The following NTNG1 variants were observed in gnomAD, a reference collection of about 807,000 sequenced individuals.
NTNG1 encodes the protein netrin G1.
NTNG1 carries 16 observed loss-of-function variants against 54.0 expected under a neutral mutation model. The observed-to-expected ratio is 0.30, with a 90% confidence interval of 0.20 to 0.45. The LOEUF is 0.45. Among genes scored for constraint, NTNG1 ranks in the 20% least tolerant of loss-of-function variants. NTNG1 has a pLI of 1.00. For synonymous variants in NTNG1, 255 were observed against 263.1 expected, an observed-to-expected ratio of 0.97 and a Z score of 0.30; for missense variants, 530 against 678.7, an observed-to-expected ratio of 0.78 and a Z score of 2.43.
intron 3 of NTNG1, among the ~76,000 whole-genome samples, chr1:107,343,485 C>A (rs1669031270): frequency 6.6e-6 from 1 of 151,970 alleles, no homozygotes; most frequent in African/African-American, 2.4e-5. Flanking sequence ...CTACTGCTAT[C>A]TTGGCTTTCT....
At chr1:107,319,975 AT>A (rs1667565282) in intron 2 of NTNG1, among the ~76,000 whole-genome samples, 1 of 151,964 alleles carries the variant, frequency 6.6e-6, no homozygotes, top group South Asian at 2.1e-4. Flanking sequence ...GACACCTTCC[AT>A]CAATAGAAAC....
chr1:107,142,573 A>C (rs1286026313), intron 1 of NTNG1, among the ~76,000 whole-genome samples: 1 of 152,032 alleles, frequency 6.6e-6, no homozygotes, highest in Non-Finnish European at 1.5e-5. Flanking sequence ...TAAGATTCAG[A>C]ACTCCACTAA....
chr1:107,438,861 G>A (rs1675775784), intron 7 of NTNG1, among the ~76,000 whole-genome samples: 1 of 152,172 alleles, frequency 6.6e-6, no homozygotes, highest in Admixed American at 6.6e-5. Flanking sequence ...GCCTTACCCT[G>A]CCACATACAA....
chr1:107,480,577 C>CCACCACAA, intron 7 of NTNG1, 34 bp from the exon 8 acceptor site: 1 of 470,480 alleles, frequency 2.1e-6, no homozygotes, highest in Non-Finnish European at 4.0e-6. Context: ...CCTCCCCGCG[C>CCACCACAA]CCACCCACCC....
chr1:107,180,703 C>T (rs185690944), intron 2 of NTNG1, among the ~76,000 whole-genome samples: 1 of 152,040 alleles, frequency 6.6e-6, no homozygotes, highest in Non-Finnish European at 1.5e-5. Flanking sequence ...AACTCAGAGG[C>T]TTATAATTTT....
chr1:107,280,602 GC>G (rs1309671129), intron 2 of NTNG1, among the ~76,000 whole-genome samples: 11 of 132,312 alleles, frequency 8.3e-5, no homozygotes, highest in African/African-American at 2.9e-4. Flanking sequence ...AGTTGGCATG[GC>G]TTTTTTTTTT....
At chr1:107,198,582 C>T (rs963845015) in intron 2 of NTNG1, among the ~76,000 whole-genome samples, 12 of 151,864 alleles carry the variant, frequency 7.9e-5, no homozygotes, top group African/African-American at 2.7e-4. Context: ...TTTTGTTCCC[C>T]TTCGTATTTT....
At chr1:107,407,909 T>C (rs1374766096) in intron 5 of NTNG1, 2 of 735,344 alleles carry the variant, frequency 2.7e-6, no homozygotes, top group Non-Finnish European at 5.0e-6. Context: ...CATAACTCCA[T>C]GAACATGGCA....
intron 2 of NTNG1, among the ~76,000 whole-genome samples, chr1:107,190,912 C>T (rs901998659): frequency 1.3e-5 from 2 of 152,112 alleles, no homozygotes; most frequent in African/African-American, 4.8e-5. Flanking sequence ...TTTATAGCAG[C>T]ATGATTTATA....
intron 2 of NTNG1, among the ~76,000 whole-genome samples, chr1:107,223,189 T>C (rs1193672779): frequency 6.6e-6 from 1 of 152,128 alleles, no homozygotes; most frequent in Non-Finnish European, 1.5e-5. Flanking sequence ...GTTTCTACCC[T>C]TATTAAATGA....
chr1:107,336,200 A>G (rs755134613), intron 3 of NTNG1, among the ~76,000 whole-genome samples: 4 of 149,536 alleles, frequency 2.7e-5, no homozygotes, highest in Non-Finnish European at 4.5e-5. Flanking sequence ...TTTTTTTTTA[A>G]TTTCAAAACT....
upstream of NTNG1, among the ~76,000 whole-genome samples, chr1:107,140,591 T>C (rs1653579004): frequency 6.6e-6 from 1 of 151,256 alleles, no homozygotes; most frequent in Non-Finnish European, 1.5e-5. Context: ...GCGAAATTGG[T>C]ATTAGAGGAT....
At chr1:107,196,813 T>A (rs1037341113) in intron 2 of NTNG1, among the ~76,000 whole-genome samples, 9 of 151,974 alleles carry the variant, frequency 5.9e-5, no homozygotes, top group Non-Finnish European at 7.4e-5. Context: ...AAATATTTTA[T>A]TCTAATTATG....
intron 2 of NTNG1, among the ~76,000 whole-genome samples, chr1:107,281,448 G>C (rs901957542): frequency 3.9e-4 from 59 of 152,054 alleles, no homozygotes; most frequent in African/African-American, 1.4e-3. Flanking sequence ...AAAACTTGAT[G>C]GTTATGTTCA....
chr1:107,163,443 A>G (rs1206740874), intron 2 of NTNG1, among the ~76,000 whole-genome samples: 2 of 152,126 alleles, frequency 1.3e-5, no homozygotes, highest in East Asian at 3.9e-4. Flanking sequence ...GCTAAAATGT[A>G]CAAGTCCTTC....
rs556684217 is a variant in NTNG1, at chr1:107,262,193, G to A, written c.247-62089G>A. On this transcript the variant is annotated intron_variant, in intron 2 of 7. Coordinates refer to ENST00000370068, the MANE Select transcript of NTNG1 (RefSeq NM_001113226.3). ...TCTTATAAAGGTATTTTTCAAAGCCGTTACACATGTAGTAACACAATTAGT... is the reference window on the plus strand; with the variant it reads ...TCTTATAAAGGTATTTTTCAAAGCCATTACACATGTAGTAACACAATTAGT... 8.0e-4 allele frequency among the ~76,000 whole-genome samples: 122 copies of A among 152,260 alleles called. 1 individual carries two copies. Among genetic ancestry groups the A allele is most frequent in the African/African-American group, 2.9e-3 (120 of 41,568 alleles).
At chr1:107,381,894 G>C (rs185107558) in intron 3 of NTNG1, among the ~76,000 whole-genome samples, 4 of 152,258 alleles carry the variant, frequency 2.6e-5, no homozygotes, top group Admixed American at 6.5e-5. Flanking sequence ...ATGATGACCA[G>C]TTCCAAGTTT....
rs373825908 is a variant in NTNG1 at position 107,189,462 on chromosome 1, A to G, written c.246+40623A>G. On this transcript the variant is annotated intron_variant, in intron 2 of 7. Transcript: ENST00000370068. ...GGAAAATAAACAACCAGTGGTCTTG[A>G]AAAAAAAAAGGCGGGGGAGGGGTGT... 4.1e-5 allele frequency among the ~76,000 whole-genome samples: 6 copies of G among 147,610 alleles called. No individual in the cohort carries two copies. In the East Asian group the frequency reaches 1.2e-3, roughly 29 times the overall value.
At chr1:107,274,874 A>G (rs1400589066) in intron 2 of NTNG1, among the ~76,000 whole-genome samples, 1 of 152,210 alleles carries the variant, frequency 6.6e-6, no homozygotes, top group Non-Finnish European at 1.5e-5. Flanking sequence ...GTGTCAGCTT[A>G]GACACTTTTG....
Sources: allele counts gnomAD v4.1 joint callset (sites outside exome capture counted in the v4.1 genomes callset), GRCh38; gene constraint gnomAD v4.1.1; transcripts MANE v1.5; gene names NCBI Gene and HGNC (gene_info 2026-07-23, HGNC 2026-07-21).